Variants in PLXND1 observed in about 807,000 individuals in gnomAD.
PLXND1 encodes the protein plexin-D1.
PLXND1 carries 54 observed loss-of-function variants against 197.7 expected under a neutral mutation model. The observed-to-expected ratio is 0.27, with a 90% CI of 0.22 to 0.34. PLXND1 has a LOEUF of 0.34. Ranked by LOEUF, PLXND1 falls within the 10% of genes least tolerant of loss-of-function variation. The pLI, the probability that PLXND1 is intolerant of heterozygous loss-of-function variation, is 1.00. For missense variants in PLXND1, 2,127 were observed against 2,699.2 expected (o/e 0.79, Z 4.70); for synonymous variants, 1,180 against 1,161.2 (o/e 1.02, Z -0.33).
At position 129,561,871 on chromosome 3, in the gene PLXND1, G is replaced by C. The variant is rs202179801; in HGVS notation, c.4858C>G (p.Leu1620Val). 1 of 1,613,992 alleles carries C rather than the reference G, an allele frequency of 6.2e-7. No individual in the cohort carries two copies. Among genetic ancestry groups the C allele is most frequent in the African/African-American group, 1.3e-5 (1 of 75,036 alleles). Residue 1620 changes from leucine to valine, a missense_variant, in exon 28 of 36, where the codon CTT becomes GTT. Leu to Val is a conservative substitution (Grantham distance 32). Coordinates refer to ENST00000324093, the MANE Select transcript of PLXND1 (RefSeq NM_015103.3). Reference sequence around the variant, plus strand: ...ACTGAGGTGTCGTCCAGGTCCCGAAGGATGTAGCTCTGTGTGCTGGAGGCG... The same window carrying C: ...ACTGAGGTGTCGTCCAGGTCCCGAACGATGTAGCTCTGTGTGCTGGAGGCG... ...WFASSTQSYILRDLDDTSVVE... is the reference protein window; with the variant it reads ...WFASSTQSYIVRDLDDTSVVE...
At chr3:129,559,575 GC>G (rs1193677226) in intron 32 of PLXND1, 44 bp downstream of exon 32, 7 of 1,500,766 alleles carry the variant, frequency 4.7e-6, no homozygotes, top group Admixed American at 4.0e-5. Flanking sequence ...TGCCACAGGG[GC>G]CCCAGTGGCA....
intron 10 of PLXND1, 71 bp downstream of exon 10, chr3:129,575,695 G>A (rs188886584): frequency 2.5e-5 from 31 of 1,247,696 alleles, no homozygotes; most frequent in Non-Finnish European, 3.5e-5. Context: ...GAGGCAGGGT[G>A]GGGTGAGGGG....
intron 1 of PLXND1, among the ~76,000 whole-genome samples, chr3:129,597,469 G>A (rs1438075559): frequency 6.6e-6 from 1 of 152,016 alleles, no homozygotes; most frequent in African/African-American, 2.4e-5. Flanking sequence ...CCACTCCAAG[G>A]CCTCTGCCTG....
intron 1 of PLXND1, among the ~76,000 whole-genome samples, chr3:129,590,643 A>G (rs1174305222): frequency 6.6e-6 from 1 of 152,242 alleles, no homozygotes; most frequent in African/African-American, 2.4e-5. Context: ...TGCATAAACA[A>G]TAAATAGTCA....
Position 129,606,211 on chromosome 3 carries a change from G to T in PLXND1, c.429C>A (p.Ile143=). Residue 143 remains isoleucine (I), a synonymous_variant, in exon 1 of 36, where the codon ATC becomes ATA. Coordinates refer to ENST00000324093, the MANE Select transcript of PLXND1 (RefSeq NM_015103.3). ...GQGLVVVCGS[I]YQGFCQLRRR... ...GCCGCAGCTGGCAGAAGCCCTGGTA[G>T]ATGGACCCGCACACGACTACCAGGC... 1 of 1,578,798 alleles carries T rather than the reference G, an allele frequency of 6.3e-7. No homozygotes were observed. The highest frequency in any genetic ancestry group is 8.6e-7 in the Non-Finnish European group (1 of 1,167,254).
chr3:129,592,512 C>A lies in PLXND1; in HGVS notation c.1312-2985G>T, dbSNP rs530257024. ...CCTGACATCCAGCCAGGGTGGGGTC[C>A]TGGGAAAAGGCGGACCAGGCGCCCA... On this transcript the variant is annotated intron_variant, in intron 1 of 35. Coordinates refer to ENST00000324093, the MANE Select transcript of PLXND1 (RefSeq NM_015103.3). Among the ~76,000 whole-genome samples, 39 of 152,296 alleles carry A rather than the reference C, an allele frequency of 2.6e-4. No homozygotes were observed. The South Asian group carries it at 4.6e-3, about 18-fold the overall frequency.
intron 1 of PLXND1, among the ~76,000 whole-genome samples, chr3:129,599,271 C>G (rs530487949): frequency 5.3e-5 from 8 of 152,252 alleles, no homozygotes; most frequent in African/African-American, 1.9e-4. Flanking sequence ...GGGCCCGATG[C>G]GCGTGGCCCT....
chr3:129,562,677 T>C, intron 27 of PLXND1, 110 bp downstream of exon 27: 1 of 1,001,888 alleles, frequency 1.0e-6, no homozygotes, highest in South Asian at 1.7e-5. Context: ...CCTCTCAGTG[T>C]CCCCACATTC....
intron 8 of PLXND1, among the ~76,000 whole-genome samples, chr3:129,580,434 T>A (rs2085370526): frequency 6.6e-6 from 1 of 152,142 alleles, no homozygotes; most frequent in Non-Finnish European, 1.5e-5. Flanking sequence ...GGGCATGGAA[T>A]CCATGTTTCC....
chr3:129,597,259 C>T (rs1456057181), intron 1 of PLXND1, among the ~76,000 whole-genome samples: 3 of 152,106 alleles, frequency 2.0e-5, no homozygotes, highest in Non-Finnish European at 2.9e-5. Context: ...CCACCCGCCG[C>T]TCTGCTGGGA....
chr3:129,579,157 G>A (rs1040252941), intron 8 of PLXND1, among the ~76,000 whole-genome samples: 5 of 151,998 alleles, frequency 3.3e-5, no homozygotes, highest in Non-Finnish European at 7.4e-5. Flanking sequence ...AACGAAAGAA[G>A]GAGGGAGGAG....
chr3:129,602,707 C>T lies in PLXND1; in HGVS notation c.1311+2622G>A, dbSNP rs530423388. 2.0e-5 allele frequency among the ~76,000 whole-genome samples: 3 copies of T among 152,260 alleles called. No individual in the cohort carries two copies. In the East Asian group the frequency reaches 5.8e-4, roughly 29 times the overall value. On this transcript the variant is annotated intron_variant, in intron 1 of 35. Transcript: ENST00000324093. Reference sequence around the variant, plus strand: ...CAGAACAAGCCAGATTAGGCAACTGCTCTCCAGGACCAAGCAGAGACCTGT... The same window carrying T: ...CAGAACAAGCCAGATTAGGCAACTGTTCTCCAGGACCAAGCAGAGACCTGT...
chr3:129,575,019 T>C (rs948140193), intron 11 of PLXND1, among the ~76,000 whole-genome samples: 14 of 152,248 alleles, frequency 9.2e-5, no homozygotes, highest in African/African-American at 3.4e-4. Context: ...GGGACCTTCA[T>C]GGTGGGAATC....
At chr3:129,578,198 C>A in intron 9 of PLXND1, 131 bp downstream of exon 9, 2 of 690,458 alleles carry the variant, frequency 2.9e-6, no homozygotes, top group South Asian at 1.6e-5. Context: ...AAAAGCAAAG[C>A]CCACACAGGT....
At chr3:129,596,909 G>A (rs2085633756) in intron 1 of PLXND1, among the ~76,000 whole-genome samples, 1 of 152,192 alleles carries the variant, frequency 6.6e-6, no homozygotes, top group African/African-American at 2.4e-5. Flanking sequence ...ATGAGCTGGG[G>A]ACACAGAGGT....
In PLXND1 at chr3:129,566,516, G is replaced by C; in HGVS notation, c.4191+11C>G. On this transcript the variant is annotated intron_variant, in intron 23 of 35. Coordinates refer to ENST00000324093, the MANE Select transcript of PLXND1 (RefSeq NM_015103.3). The stretch of plus-strand genomic sequence containing the variant: ...AAGCAGCCCACTGTGTGTGGGTCGT[G>C]GGGTACTCACCTTCCACTCTCCCAG... 1 of 1,543,802 alleles carries C rather than the reference G, an allele frequency of 6.5e-7. No individual in the cohort carries two copies. The highest frequency in any genetic ancestry group is 1.1e-5 in the South Asian group (1 of 89,718).
intron 32 of PLXND1, 64 bp downstream of exon 32, chr3:129,559,556 T>C: frequency 7.3e-7 from 1 of 1,373,726 alleles, no homozygotes; most frequent in South Asian, 1.4e-5. Context: ...GACTAGACTC[T>C]GAACCCCCTG....
At position 129,586,038 on chromosome 3, in the gene PLXND1, A is replaced by T; in HGVS notation, c.1765T>A (p.Phe589Ile). 1 of 1,613,962 alleles carries T rather than the reference A, an allele frequency of 6.2e-7. No individual in the cohort carries two copies. Among genetic ancestry groups the T allele is most frequent in the Non-Finnish European group, 8.5e-7 (1 of 1,179,996 alleles). The stretch of plus-strand genomic sequence containing the variant: ...GGGCCCTCGCTGGCACTGGTCCAGA[A>T]ATGCTGCTGGCTGGAATTGGTGCAG... ...QDCTNSSQQH[F>I]WTSASEGPSR... Residue 589 changes from phenylalanine (F) to isoleucine (I), a missense_variant, in exon 5 of 36, where the codon TTC becomes ATC. Transcript: ENST00000324093.
At chr3:129,559,483 T>G in intron 32 of PLXND1, 137 bp downstream of exon 32, 1 of 669,176 alleles carries the variant, frequency 1.5e-6, no homozygotes, top group Non-Finnish European at 2.5e-6. Flanking sequence ...AAGTCACTCA[T>G]CCGAGAACAC....
Sources: allele counts gnomAD v4.1 joint callset (sites outside exome capture counted in the v4.1 genomes callset), GRCh38; gene constraint gnomAD v4.1.1; transcripts MANE v1.5; gene names NCBI Gene and HGNC (gene_info 2026-07-23, HGNC 2026-07-21).